The following COL5A2 variants were observed in gnomAD, a reference collection of about 807,000 sequenced individuals.
COL5A2 encodes the protein collagen type V alpha 2 chain.
A neutral mutation model predicts 208.2 loss-of-function variants in COL5A2; 23 were observed. That is an observed-to-expected ratio of 0.11 (90% CI 0.08 to 0.16). The LOEUF (loss-of-function observed/expected upper bound fraction) is 0.16, where lower values mean the gene tolerates loss of function less well. Among genes scored for constraint, COL5A2 ranks in the 10% least tolerant of loss-of-function variants. The pLI is 1.00. For synonymous variants in COL5A2, 625 were observed against 628.5 expected, an observed-to-expected ratio of 0.99 and a Z score of 0.08; for missense variants, 1,590 against 1,956.4, an observed-to-expected ratio of 0.81 and a Z score of 3.53.
chr2:189,115,981 C>T (rs1235065748), intron 1 of COL5A2, among the ~76,000 whole-genome samples: 2 of 152,106 alleles, frequency 1.3e-5, no homozygotes, highest in Non-Finnish European at 2.9e-5. Flanking sequence ...TCTGTGTGAC[C>T]AGAAAGGAAG....
the COL5A2 span, among the ~76,000 whole-genome samples, chr2:189,429,376 G>C: frequency 2.6e-4 from 39 of 152,260 alleles, 1 homozygote; most frequent in South Asian, 6.2e-3. Flanking sequence ...TTGGCTCCTT[G>C]GTTCACATAC....
chr2:189,243,116 A>G, the COL5A2 span, among the ~76,000 whole-genome samples: 1 of 152,226 alleles, frequency 6.6e-6, no homozygotes, highest in Non-Finnish European at 1.5e-5. Context: ...GGAATGTTGA[A>G]GCCAAGTGAG....
chr2:189,190,156 T>G (rs1427660030), intron 1 of COL5A2, among the ~76,000 whole-genome samples: 2 of 152,174 alleles, frequency 1.3e-5, no homozygotes, highest in Non-Finnish European at 2.9e-5. Flanking sequence ...AAAGCAGGTT[T>G]CATTCACCAG....
At position 189,043,157 on chromosome 2, in the gene COL5A2, G is replaced by A. The variant is rs574148843; in HGVS notation, c.3465C>T (p.Gly1155=). 215 of 1,611,722 alleles carry A rather than the reference G, an allele frequency of 1.3e-4. 4 individuals are homozygous for A. The South Asian group carries it at 2.1e-3, about 16-fold the overall frequency. ...RGFTGLQGLP[G]PPGPNGEQGS... ...ACTTAAAGGAATAACTTACAGGAGG[G>A]CCAGGAAGACCCTGAAGACCAGTAA... The change falls in exon 48 of 54, where the codon GGC becomes GGT. Residue 1155 remains glycine, a synonymous_variant. Transcript: ENST00000374866.
At chr2:189,321,189 C>A in the COL5A2 span, among the ~76,000 whole-genome samples, 1 of 152,178 alleles carries the variant, frequency 6.6e-6, no homozygotes, top group East Asian at 1.9e-4. Flanking sequence ...AGAGGAACAA[C>A]CAGTACCAGC....
chr2:189,134,196 C>T (rs1687781020), intron 1 of COL5A2, among the ~76,000 whole-genome samples: 1 of 152,122 alleles, frequency 6.6e-6, no homozygotes. Context: ...GCCAGCTGGC[C>T]TTTACAGAGT....
At chr2:189,283,229 A>C in the COL5A2 span, among the ~76,000 whole-genome samples, 1 of 151,872 alleles carries the variant, frequency 6.6e-6, no homozygotes, top group East Asian at 1.9e-4. Context: ...AGAAGGAAAG[A>C]AGAGGGGGAG....
chr2:189,139,556 G>T (rs1255782504), intron 1 of COL5A2, among the ~76,000 whole-genome samples: 1 of 152,156 alleles, frequency 6.6e-6, no homozygotes, highest in South Asian at 2.1e-4. Context: ...GGGATCCTGT[G>T]AGGGATCCTG....
chr2:189,387,643 T>C, the COL5A2 span, among the ~76,000 whole-genome samples: 1 of 152,186 alleles, frequency 6.6e-6, no homozygotes, highest in South Asian at 2.1e-4. Flanking sequence ...ACAACTCCAC[T>C]TCTGGGACTC....
At chr2:189,200,842 AT>A (rs1274411691) in intron 1 of COL5A2, among the ~76,000 whole-genome samples, 3 of 152,064 alleles carry the variant, frequency 2.0e-5, no homozygotes, top group African/African-American at 4.8e-5. Flanking sequence ...ATAAAAAAAA[AT>A]GTCAATCAAA....
chr2:189,109,929 C>T (rs191980641), intron 2 of COL5A2, among the ~76,000 whole-genome samples: 7 of 152,230 alleles, frequency 4.6e-5, no homozygotes, highest in African/African-American at 1.4e-4. Context: ...AGGCACTCAT[C>T]ATGCATATGG....
At chr2:189,275,851 A>C in the COL5A2 span, among the ~76,000 whole-genome samples, 1 of 152,174 alleles carries the variant, frequency 6.6e-6, no homozygotes, top group Non-Finnish European at 1.5e-5. Flanking sequence ...AATCTTACAG[A>C]TTACTATTAG....
chr2:189,368,268 G>C, the COL5A2 span, among the ~76,000 whole-genome samples: 2 of 152,080 alleles, frequency 1.3e-5, no homozygotes, highest in Non-Finnish European at 2.9e-5. Context: ...TAAATTCATA[G>C]TGTTTCATTC....
At chr2:189,297,087 G>A in the COL5A2 span, among the ~76,000 whole-genome samples, 48 of 152,198 alleles carry the variant, frequency 3.2e-4, no homozygotes, top group African/African-American at 1.2e-3. Flanking sequence ...CAACCATGGT[G>A]GTGCTCATCT....
At chr2:189,203,125 T>G (rs10209146) in intron 1 of COL5A2, among the ~76,000 whole-genome samples, 7,302 of 152,250 alleles carry the variant, frequency 0.048, 590 homozygotes, top group African/African-American at 0.17. Flanking sequence ...TTGAAACATA[T>G]GTACAGGTCA....
the COL5A2 span, among the ~76,000 whole-genome samples, chr2:189,324,700 C>T: frequency 1.3e-5 from 2 of 152,184 alleles, no homozygotes; most frequent in African/African-American, 2.4e-5. Context: ...GAAATAGGAA[C>T]ACTTTTACAC....
chr2:189,109,083 T>A (rs1576532667), intron 2 of COL5A2, among the ~76,000 whole-genome samples: 1 of 152,132 alleles, frequency 6.6e-6, no homozygotes, highest in Non-Finnish European at 1.5e-5. Flanking sequence ...CAACCACTTT[T>A]TATCTTATGG....
the COL5A2 span, among the ~76,000 whole-genome samples, chr2:189,267,681 T>A: frequency 1.3e-5 from 2 of 152,094 alleles, no homozygotes; most frequent in African/African-American, 4.8e-5. Flanking sequence ...CCTGGAGACA[T>A]GATTCACAAA....
the COL5A2 span, among the ~76,000 whole-genome samples, chr2:189,379,612 C>T: frequency 6.6e-6 from 1 of 152,154 alleles, no homozygotes; most frequent in Admixed American, 6.5e-5. Context: ...GTCCTTTACA[C>T]TTTGTGTACA....
Sources: allele counts gnomAD v4.1 joint callset (sites outside exome capture counted in the v4.1 genomes callset), GRCh38; gene constraint gnomAD v4.1.1; transcripts MANE v1.5; gene names NCBI Gene and HGNC (gene_info 2026-07-23, HGNC 2026-07-21).